Variants in PPTC7 observed in about 807,000 individuals in gnomAD.
The protein encoded by PPTC7 is protein phosphatase targeting COQ7.
A neutral mutation model predicts 30.8 loss-of-function variants in PPTC7; 6 were observed. The observed-to-expected ratio is 0.19, with a 90% CI of 0.11 to 0.38. The LOEUF is 0.38. Among genes scored for constraint, PPTC7 ranks in the 10% least tolerant of loss-of-function variants. PPTC7 has a pLI of 1.00. For synonymous variants in PPTC7, 163 were observed against 168.1 expected (o/e 0.97, Z 0.23); for missense variants, 218 against 404.8 (o/e 0.54, Z 3.96).
chr12:110,576,230 T>C (rs1020247383), intron 1 of PPTC7, among the ~76,000 whole-genome samples: 1 of 152,074 alleles, frequency 6.6e-6, no homozygotes, highest in Non-Finnish European at 1.5e-5. Context: ...AGAATTTATA[T>C]ATTTGATTGC....
chr12:110,544,990 T>G (rs1007798956), intron 3 of PPTC7, among the ~76,000 whole-genome samples: 4 of 152,320 alleles, frequency 2.6e-5, no homozygotes, highest in African/African-American at 9.6e-5. Flanking sequence ...GGTGTCACTA[T>G]GTCACCCAGG....
At position 110,533,464 on chromosome 12, in the gene PPTC7, CCTG is replaced by C. The variant is rs1168035109; in HGVS notation, c.*3570_*3572del. 6.6e-6 allele frequency: 1 copy of C among 152,080 alleles called. No homozygotes were observed. Among genetic ancestry groups the C allele is most frequent in the African/African-American group, 2.4e-5 (1 of 41,400 alleles). The allele number at this position is 152,080 out of a possible 1,614,324, so 9.4% of individuals were successfully genotyped here. A position where few individuals can be genotyped will look rare whatever the true frequency, so the allele number is the denominator to read the frequency against. ...ATTTAGCCATCTTTGCCACAAACTACCTGCTAACAGTTAAAATTCTGACATGGA... is the reference window on the plus strand; with the variant it reads ...ATTTAGCCATCTTTGCCACAAACTACCTAACAGTTAAAATTCTGACATGGA... On this transcript the variant is annotated 3_prime_UTR_variant, in exon 6 of 6. Coordinates refer to ENST00000354300, the MANE Select transcript of PPTC7 (RefSeq NM_139283.2).
chr12:110,548,790 C>G (rs1229528411), intron 2 of PPTC7, among the ~76,000 whole-genome samples: 6 of 150,056 alleles, frequency 4.0e-5, no homozygotes, highest in African/African-American at 1.4e-4. Flanking sequence ...TGGTGAGTGA[C>G]TGAGCTTCAG....
intron 2 of PPTC7, among the ~76,000 whole-genome samples, chr12:110,549,893 A>C (rs923677798): frequency 6.6e-6 from 1 of 152,130 alleles, no homozygotes; most frequent in Non-Finnish European, 1.5e-5. Context: ...TCTCCATTTA[A>C]CATGTGAAGC....
At chr12:110,571,191 A>C (rs1296303809) in intron 1 of PPTC7, among the ~76,000 whole-genome samples, 1 of 152,268 alleles carries the variant, frequency 6.6e-6, no homozygotes, top group Admixed American at 6.5e-5. Flanking sequence ...TATGCCTCTT[A>C]TCTCAGCTTT....
chr12:110,542,694 A>AAAG (rs2064271429), intron 3 of PPTC7, among the ~76,000 whole-genome samples: 2 of 146,722 alleles, frequency 1.4e-5, no homozygotes, highest in African/African-American at 5.2e-5. Flanking sequence ...AAAAAAAAAA[A>AAAG]AAAAAGAAAA....
intron 5 of PPTC7, among the ~76,000 whole-genome samples, chr12:110,537,749 T>C (rs2064229896): frequency 6.6e-6 from 1 of 152,172 alleles, no homozygotes; most frequent in Admixed American, 6.5e-5. Context: ...GTCAGGCAAA[T>C]ACTGTTGAGT....
At chr12:110,548,987 G>C (rs2064332162) in intron 2 of PPTC7, among the ~76,000 whole-genome samples, 1 of 152,146 alleles carries the variant, frequency 6.6e-6, no homozygotes, top group Non-Finnish European at 1.5e-5. Flanking sequence ...GCAAAGATGA[G>C]TAAGAAAAGC....
intron 1 of PPTC7, among the ~76,000 whole-genome samples, chr12:110,569,837 G>A (rs2064517895): frequency 6.6e-6 from 1 of 152,214 alleles, no homozygotes; most frequent in African/African-American, 2.4e-5. Context: ...ATGATTTAGA[G>A]AGTGGAAACA....
At chr12:110,547,274 G>A (rs1193635143) in intron 2 of PPTC7, among the ~76,000 whole-genome samples, 1 of 152,168 alleles carries the variant, frequency 6.6e-6, no homozygotes, top group African/African-American at 2.4e-5. Flanking sequence ...ACAGGCTCTG[G>A]AGTCAGCCTG....
At chr12:110,579,526 A>G (rs2064618696) in intron 1 of PPTC7, among the ~76,000 whole-genome samples, 1 of 152,170 alleles carries the variant, frequency 6.6e-6, no homozygotes. Context: ...GGAGTCATGG[A>G]GTCAGCAAAG....
chr12:110,542,313 CAGAA>C lies in PPTC7; in HGVS notation c.603-2372_603-2369del, dbSNP rs1316677627. Among the ~76,000 whole-genome samples, 5 of 149,544 alleles carry C rather than the reference CAGAA, an allele frequency of 3.3e-5. No individual in the cohort carries two copies. In the South Asian group the frequency reaches 1.0e-3, roughly 31 times the overall value. On this transcript the variant is annotated intron_variant, in intron 3 of 5. Coordinates refer to ENST00000354300, the MANE Select transcript of PPTC7 (RefSeq NM_139283.2). ...AACCATTTCCGTAAAAAAAAAAAGG[CAGAA>C]AGACACACAGACATGGATGCTTCTA...
chr12:110,568,264 T>C (rs1019045954), intron 1 of PPTC7, among the ~76,000 whole-genome samples: 1 of 151,298 alleles, frequency 6.6e-6, no homozygotes, highest in African/African-American at 2.4e-5. Flanking sequence ...TTTTTTTTTT[T>C]TTTTTTGAGA....
chr12:110,569,670 GAAAAC>G (rs1015974543), intron 1 of PPTC7, among the ~76,000 whole-genome samples: 1 of 152,120 alleles, frequency 6.6e-6, no homozygotes, highest in African/African-American at 2.4e-5. Context: ...CTTAGGAAAA[GAAAAC>G]AAAACAAATA....
intron 1 of PPTC7, among the ~76,000 whole-genome samples, chr12:110,570,395 T>G (rs559749847): frequency 4.8e-5 from 2 of 41,416 alleles, no homozygotes; most frequent in East Asian, 1.4e-3. Context: ...CCCCATGTGA[T>G]AGTCTGAAAT....
At chr12:110,582,055 G>A (rs974444514) in intron 1 of PPTC7, among the ~76,000 whole-genome samples, 26 of 152,252 alleles carry the variant, frequency 1.7e-4, no homozygotes, top group African/African-American at 6.3e-4. Flanking sequence ...CCCCCAAAAG[G>A]TATAACTGGA....
intron 1 of PPTC7, among the ~76,000 whole-genome samples, chr12:110,557,652 T>G (rs1441488630): frequency 6.6e-6 from 1 of 152,224 alleles, no homozygotes; most frequent in African/African-American, 2.4e-5. Flanking sequence ...AACAATATAC[T>G]ATAATAAATG....
At chr12:110,576,010 C>T (rs144866386) in intron 1 of PPTC7, among the ~76,000 whole-genome samples, 2 of 152,070 alleles carry the variant, frequency 1.3e-5, no homozygotes, top group East Asian at 3.8e-4. Flanking sequence ...ATCCATCAAC[C>T]CTGTAATCTT....
At chr12:110,564,682 C>T (rs1019937277) in intron 1 of PPTC7, among the ~76,000 whole-genome samples, 2 of 151,866 alleles carry the variant, frequency 1.3e-5, no homozygotes, top group African/African-American at 2.4e-5. Flanking sequence ...TTCCTTTAAA[C>T]GAGAACATCA....
Sources: allele counts gnomAD v4.1 joint callset (sites outside exome capture counted in the v4.1 genomes callset), GRCh38; gene constraint gnomAD v4.1.1; transcripts MANE v1.5; gene names NCBI Gene and HGNC (gene_info 2026-07-23, HGNC 2026-07-21).